ZBTB7C: variants seen among roughly 807,000 people sequenced by gnomAD.
ZBTB7C encodes zinc finger and BTB domain-containing protein 7C.
A neutral mutation model predicts 25.7 loss-of-function variants in ZBTB7C; 8 were observed. The ratio of observed to expected loss-of-function variants is 0.31; its 90% CI spans 0.18 to 0.56. The LOEUF (loss-of-function observed/expected upper bound fraction) is 0.56, where lower values mean the gene tolerates loss of function less well. Among genes scored for constraint, ZBTB7C ranks in the 20% least tolerant of loss-of-function variants. The pLI is 0.91. For missense variants in ZBTB7C, 824 were observed against 855.2 expected, an observed-to-expected ratio of 0.96 and a Z score of 0.46; for synonymous variants, 394 against 369.0, an observed-to-expected ratio of 1.07 and a Z score of -0.78.
rs991012221 is a variant in ZBTB7C, at chr18:48,028,970, C to T, written c.*290G>A. On this transcript the variant is annotated 3_prime_UTR_variant, in exon 5 of 5. Transcript: ENST00000590800. The stretch of plus-strand genomic sequence containing the variant: ...CCAGCTCCTAAGTGCCCCTGGGCAC[C>T]CAGTTCTTTGTGGCATGGGCCGGTG... 1.2e-5 allele frequency: 5 copies of T among 413,976 alleles called. No homozygotes were observed. The highest frequency in any genetic ancestry group is 2.1e-5 in the Non-Finnish European group (5 of 237,310). The allele number at this position is 413,976 out of a possible 1,614,324, so 25.6% of individuals were successfully genotyped here.
chr18:48,296,268 T>C (rs1434347992), intron 2 of ZBTB7C, among the ~76,000 whole-genome samples: 1 of 152,172 alleles, frequency 6.6e-6, no homozygotes, highest in Non-Finnish European at 1.5e-5. Context: ...CATGGAACCC[T>C]GTGCCAGGCA....
chr18:48,373,586 G>T (rs995322939), intron 1 of ZBTB7C, among the ~76,000 whole-genome samples: 1 of 152,174 alleles, frequency 6.6e-6, no homozygotes, highest in Non-Finnish European at 1.5e-5. Flanking sequence ...GATCATGGGG[G>T]CGGATTCTTC....
At position 48,089,799 on chromosome 18, in the gene ZBTB7C, A is replaced by ACAAG. The variant is rs199737701; in HGVS notation, c.-16-48677_-16-48676insCTTG. Among the ~76,000 whole-genome samples the ACAAG allele has an allele frequency of 3.4e-3, 512 of 152,272 alleles. 4 individuals carry two copies. Among genetic ancestry groups the ACAAG allele is most frequent in the African/African-American group, 0.012 (502 of 41,538 alleles). On this transcript the variant is annotated intron_variant, in intron 3 of 4. Coordinates refer to ENST00000590800, the MANE Select transcript of ZBTB7C (RefSeq NM_001318841.2). ...TCTCCATGATAGAAAGCCTAAACAA[A>ACAAG]CAAACAAACAAACAAACTGGCTGCT...
intron 1 of ZBTB7C, among the ~76,000 whole-genome samples, chr18:48,365,957 AG>A (rs1177476074): frequency 1.3e-5 from 2 of 152,210 alleles, no homozygotes; most frequent in Admixed American, 6.5e-5. Context: ...TCCTATTATC[AG>A]GGGGCAAGAC....
intron 2 of ZBTB7C, among the ~76,000 whole-genome samples, chr18:48,257,008 C>A (rs1359688551): frequency 6.6e-6 from 1 of 151,878 alleles, no homozygotes; most frequent in Non-Finnish European, 1.5e-5. Flanking sequence ...TAAACCTAAA[C>A]ATCAATAATC....
intron 3 of ZBTB7C, among the ~76,000 whole-genome samples, chr18:48,174,248 G>A (rs1453217595): frequency 6.6e-6 from 1 of 151,780 alleles, no homozygotes; most frequent in Non-Finnish European, 1.5e-5. Flanking sequence ...AAAATTGAGG[G>A]ACAAAGAACC....
Position 48,040,844 on chromosome 18 carries a change from G to C in ZBTB7C, c.264C>G (p.Ile88Met), listed in dbSNP as rs1205679954. ...DFVQPEALAAILEFAYTSTLT... is the reference protein window; with the variant it reads ...DFVQPEALAAMLEFAYTSTLT... Reference sequence around the variant, plus strand: ...GCGTGGAGGTGTAGGCGAACTCCAGGATAGCAGCCAGAGCCTCAGGCTGGA... The same window carrying C: ...GCGTGGAGGTGTAGGCGAACTCCAGCATAGCAGCCAGAGCCTCAGGCTGGA... The change falls in exon 4 of 5, where the codon ATC becomes ATG. Residue 88 changes from isoleucine to methionine, a missense_variant. Physicochemically the swap from Ile to Met is conservative, Grantham distance 10. This residue lies in a region of ZBTB7C where 117 missense variants were observed against 167.7 expected (regional missense o/e 0.70). Transcript: ENST00000590800. The C allele has an allele frequency of 6.2e-7, 1 of 1,614,044 alleles. No individual in the cohort carries two copies. The highest frequency in any genetic ancestry group is 8.5e-7 in the Non-Finnish European group (1 of 1,179,968).
chr18:48,162,418 T>C (rs1381666739), intron 3 of ZBTB7C: 2 of 456,624 alleles, frequency 4.4e-6, no homozygotes, highest in Admixed American at 2.3e-5. Context: ...GAGATAGTAA[T>C]AGTATTCACC....
chr18:48,181,574 G>C (rs2041924647), intron 3 of ZBTB7C, among the ~76,000 whole-genome samples: 1 of 152,162 alleles, frequency 6.6e-6, no homozygotes, highest in Non-Finnish European at 1.5e-5. Context: ...ATCAGGACTG[G>C]AACCCAGACC....
chr18:48,276,841 G>C (rs1388577464), intron 2 of ZBTB7C, among the ~76,000 whole-genome samples: 101 of 100,686 alleles, frequency 1.0e-3, no homozygotes, highest in Middle Eastern at 4.5e-3. Context: ...GGGTCAAATG[G>C]TATTTCTAGT....
At chr18:48,037,204 G>T (rs147873652) in intron 4 of ZBTB7C, among the ~76,000 whole-genome samples, 1 of 152,358 alleles carries the variant, frequency 6.6e-6, no homozygotes, top group Admixed American at 6.5e-5. Context: ...AGTGGTGGGG[G>T]TGCTGAGGGG....
chr18:48,295,020 T>C (rs1346376198), intron 2 of ZBTB7C, among the ~76,000 whole-genome samples: 1 of 151,492 alleles, frequency 6.6e-6, no homozygotes, highest in Non-Finnish European at 1.5e-5. Context: ...GCTTGAAAAA[T>C]AGGAGGTGAG....
intron 3 of ZBTB7C, among the ~76,000 whole-genome samples, chr18:48,121,411 TTTA>T (rs1425050018): frequency 2.0e-5 from 3 of 150,762 alleles, no homozygotes; most frequent in Non-Finnish European, 4.4e-5. Context: ...TTTTTTTTTT[TTTA>T]AAAAAATGCA....
intron 3 of ZBTB7C, among the ~76,000 whole-genome samples, chr18:48,168,303 G>A (rs946463611): frequency 6.6e-6 from 1 of 152,198 alleles, no homozygotes; most frequent in African/African-American, 2.4e-5. Context: ...TTTCAGATCT[G>A]GAAACTGGCA....
intron 3 of ZBTB7C, among the ~76,000 whole-genome samples, chr18:48,106,821 G>A (rs1192025600): frequency 1.4e-5 from 2 of 142,278 alleles, no homozygotes; most frequent in Non-Finnish European, 1.5e-5. Context: ...GAAGAAGGGG[G>A]TTCTGCAGCG....
Position 48,040,705 on chromosome 18 carries a change from C to G in ZBTB7C, c.403G>C (p.Glu135Gln), listed in dbSNP as rs1010749034. ...EIMEPGGDGGEEDDKEDDDDD... is the reference protein window; with the variant it reads ...EIMEPGGDGGQEDDKEDDDDD... ...TCATCGTCCTCCTTGTCATCCTCCTCCCCCCCGTCCCCCCCAGGCTCCATG... is the reference window on the plus strand; with the variant it reads ...TCATCGTCCTCCTTGTCATCCTCCTGCCCCCCGTCCCCCCCAGGCTCCATG... The change falls in exon 4 of 5, where the codon GAG (glutamate) becomes CAG (glutamine). Residue 135 changes from glutamate (E) to glutamine (Q), a missense_variant. Around this residue, in one of 4 missense-constraint regions of ZBTB7C, gnomAD observed 316 missense variants for 299.2 expected, o/e 1.06. Transcript: ENST00000590800. 6.2e-7 allele frequency: 1 copy of G among 1,611,098 alleles called. No homozygotes were observed. The highest frequency in any genetic ancestry group is 1.1e-5 in the South Asian group (1 of 90,924).
chr18:48,384,619 G>T (rs747129405), intron 1 of ZBTB7C, among the ~76,000 whole-genome samples: 7 of 152,114 alleles, frequency 4.6e-5, no homozygotes, highest in Non-Finnish European at 1.0e-4. Flanking sequence ...CTTAAAACGT[G>T]ATTTTATTTT....
intron 2 of ZBTB7C, among the ~76,000 whole-genome samples, chr18:48,187,058 C>G (rs1348351462): frequency 6.6e-6 from 1 of 152,170 alleles, no homozygotes; most frequent in African/African-American, 2.4e-5. Flanking sequence ...TGATCTGTGT[C>G]CCTGGCAGAG....
At chr18:48,323,921 AT>A (rs1418667603) in intron 2 of ZBTB7C, among the ~76,000 whole-genome samples, 1 of 152,116 alleles carries the variant, frequency 6.6e-6, no homozygotes, top group East Asian at 1.9e-4. Context: ...TGGTGATGGG[AT>A]TAGGGCCTTT....
Sources: gnomAD v4.1 joint callset for allele counts (sites outside exome capture counted in the v4.1 genomes callset) on GRCh38, gnomAD v4.1.1 for gene constraint, gnomAD v4.1.1 regional missense constraint, MANE v1.5 for transcripts, NCBI Gene and HGNC (gene_info 2026-07-23, HGNC 2026-07-21) for gene names.